The following FBXO11 variants were observed in gnomAD, a reference collection of about 807,000 sequenced individuals.
FBXO11 encodes F-box only protein 11.
In FBXO11, 13 loss-of-function variants were observed where a neutral mutation model predicts 117.0. The observed-to-expected ratio is 0.11, with a 90% confidence interval of 0.07 to 0.18. The LOEUF (loss-of-function observed/expected upper bound fraction) is 0.18. Among genes scored for constraint, FBXO11 ranks in the 10% least tolerant of loss-of-function variants. The pLI, the probability that FBXO11 is intolerant of heterozygous loss-of-function variation, is 1.00. For missense variants in FBXO11, 767 were observed against 1,164.4 expected (o/e 0.66, Z 4.97); for synonymous variants, 490 against 380.5 (o/e 1.29, Z -3.35).
rs889165240 is a variant in FBXO11 at position 47,807,663 on chromosome 2, A to G, written c.*455T>C. On this transcript the variant is annotated 3_prime_UTR_variant, in exon 23 of 23. Coordinates refer to ENST00000403359, the MANE Select transcript of FBXO11 (RefSeq NM_001190274.2). ...AAATCATATTTCTCAATCTGAATAC[A>G]TGTTAAAAAAAAAAAATCAAAAGGA... 1.8e-5 allele frequency: 3 copies of G among 163,318 alleles called. No individual in the cohort carries two copies. Among genetic ancestry groups the G allele is most frequent in the Non-Finnish European group, 3.5e-5 (3 of 85,740 alleles). 10.1% of individuals were successfully genotyped at this position (163,318 alleles called of 1,614,324 possible).
intron 16 of FBXO11, 176 bp downstream of exon 16, chr2:47,818,603 A>C: frequency 1.7e-6 from 1 of 595,154 alleles, no homozygotes; most frequent in Non-Finnish European, 3.0e-6. Flanking sequence ...TTCTGTCCTC[A>C]CCTAGACCAA....
At position 47,813,708 on chromosome 2, in the gene FBXO11, C is replaced by T. The variant is rs1234996295; in HGVS notation, c.2083+83G>A. On this transcript the variant is annotated intron_variant, in intron 17 of 22. Transcript: ENST00000403359. ...TCGGCCTCCCAAAGTGCTGGGATTACAGGCGTGAGCCACCGTGCCCGGCCT... is the reference window on the plus strand; with the variant it reads ...TCGGCCTCCCAAAGTGCTGGGATTATAGGCGTGAGCCACCGTGCCCGGCCT... The T allele has an allele frequency of 7.8e-6, 9 of 1,154,534 alleles. No homozygotes were observed. In the African/African-American group the frequency reaches 1.2e-4, roughly 16 times the overall value. The allele number at this position is 1,154,534 out of a possible 1,614,324, so 71.5% of individuals were successfully genotyped here.
At chr2:47,879,696 C>A (rs1676297654) in intron 1 of FBXO11, among the ~76,000 whole-genome samples, 1 of 152,206 alleles carries the variant, frequency 6.6e-6, no homozygotes. Flanking sequence ...TAATTCCTAA[C>A]TGTAAATAAG....
chr2:47,871,708 C>T (rs971941057), intron 1 of FBXO11, among the ~76,000 whole-genome samples: 1 of 152,092 alleles, frequency 6.6e-6, no homozygotes, highest in Non-Finnish European at 1.5e-5. Flanking sequence ...TCCTTGAATC[C>T]TGTAGATGTT....
chr2:47,815,218 A>G (rs919911065), intron 16 of FBXO11, among the ~76,000 whole-genome samples: 3 of 152,178 alleles, frequency 2.0e-5, no homozygotes, highest in African/African-American at 7.2e-5. Context: ...CCACGCAGAA[A>G]TGTGATTGGA....
rs559039553 is a variant in FBXO11, at chr2:47,810,650, C to T, written c.2228-224G>A. The T allele has an allele frequency of 1.2e-4, 52 of 423,930 alleles. No individual in the cohort carries two copies. In the East Asian group the frequency reaches 2.0e-3, roughly 17 times the overall value. 26.3% of individuals were successfully genotyped at this position (423,930 alleles called of 1,614,324 possible). ...AGCATTCTGACCAATAATCTGCCAT[C>T]TCCATGATAGCAGGGTCCATGTCTA... On this transcript the variant is annotated intron_variant, in intron 18 of 22. Transcript: ENST00000403359.
chr2:47,841,689 G>A (rs924275855), intron 1 of FBXO11, among the ~76,000 whole-genome samples: 2 of 152,062 alleles, frequency 1.3e-5, no homozygotes, highest in African/African-American at 4.8e-5. Flanking sequence ...TCGCCAGGCT[G>A]GAGTGCAGTG....
At position 47,832,501 on chromosome 2, in the gene FBXO11, C is replaced by G; in HGVS notation, c.1261-15G>C. ...TCATATATTCCCTACAACAAGTTAT[C>G]AGAAACAAACATCAGTAGAGCTTTT... On this transcript the variant is annotated splice_polypyrimidine_tract_variant and intron_variant, in intron 10 of 22. Coordinates refer to ENST00000403359, the MANE Select transcript of FBXO11 (RefSeq NM_001190274.2). The G allele has an allele frequency of 6.2e-7, 1 of 1,610,390 alleles. No individual in the cohort carries two copies. Among genetic ancestry groups the G allele is most frequent in the African/African-American group, 1.3e-5 (1 of 74,766 alleles).
chr2:47,887,484 T>C (rs970405362), intron 1 of FBXO11, among the ~76,000 whole-genome samples: 3 of 152,064 alleles, frequency 2.0e-5, no homozygotes, highest in Admixed American at 6.6e-5. Flanking sequence ...TCCCAGCACT[T>C]TGTGAGGCTG....
intron 5 of FBXO11, among the ~76,000 whole-genome samples, chr2:47,835,135 A>G (rs1442873199): frequency 1.3e-5 from 2 of 152,158 alleles, no homozygotes; most frequent in African/African-American, 2.4e-5. Flanking sequence ...TGTCCTGTGC[A>G]CTGTAGGATG....
At chr2:47,889,909 C>T (rs1677134784) in intron 1 of FBXO11, among the ~76,000 whole-genome samples, 1 of 152,176 alleles carries the variant, frequency 6.6e-6, no homozygotes, top group African/African-American at 2.4e-5. Flanking sequence ...ATTCAACAGG[C>T]TTGTGAGCAA....
chr2:47,881,171 G>C (rs1006257920), intron 1 of FBXO11, among the ~76,000 whole-genome samples: 3 of 152,082 alleles, frequency 2.0e-5, no homozygotes, highest in African/African-American at 7.2e-5. Context: ...AGAATCACTT[G>C]AACCCGGGAG....
intron 1 of FBXO11, among the ~76,000 whole-genome samples, chr2:47,846,580 T>C (rs1673428423): frequency 6.6e-6 from 1 of 150,704 alleles, no homozygotes; most frequent in Non-Finnish European, 1.5e-5. Flanking sequence ...ACCAAAAATG[T>C]TCAATTTTAA....
intron 16 of FBXO11, among the ~76,000 whole-genome samples, chr2:47,816,570 ACTAT>A (rs1671021859): frequency 6.6e-6 from 1 of 152,224 alleles, no homozygotes; most frequent in Admixed American, 6.5e-5. Flanking sequence ...CAGAGGAATC[ACTAT>A]CTATGGCAAC....
chr2:47,825,468 T>C (rs768377680), intron 11 of FBXO11, among the ~76,000 whole-genome samples: 2 of 152,052 alleles, frequency 1.3e-5, no homozygotes, highest in African/African-American at 2.4e-5. Flanking sequence ...TATTCACCAT[T>C]TCAGATGTTT....
intron 1 of FBXO11, among the ~76,000 whole-genome samples, chr2:47,902,570 T>TAC (rs933525336): frequency 3.9e-5 from 6 of 152,068 alleles, no homozygotes; most frequent in African/African-American, 9.6e-5. Flanking sequence ...TATACCCACA[T>TAC]ACACACACAC....
intron 16 of FBXO11, among the ~76,000 whole-genome samples, chr2:47,815,961 G>A (rs1572770282): frequency 6.6e-6 from 1 of 152,186 alleles, no homozygotes; most frequent in Non-Finnish European, 1.5e-5. Context: ...GGCCTCATGG[G>A]AACACAGGTG....
At chr2:47,894,751 A>C (rs1488372547) in intron 1 of FBXO11, among the ~76,000 whole-genome samples, 1 of 152,236 alleles carries the variant, frequency 6.6e-6, no homozygotes, top group Non-Finnish European at 1.5e-5. Flanking sequence ...TCCAAAGTTT[A>C]AATCAATCAA....
intron 18 of FBXO11, chr2:47,810,643 C>A (rs1263511143): frequency 2.3e-6 from 1 of 437,032 alleles, no homozygotes; most frequent in Non-Finnish European, 4.0e-6. Context: ...GACCAATAAT[C>A]TGCCATCTCC....
Sources: allele counts gnomAD v4.1 joint callset (sites outside exome capture counted in the v4.1 genomes callset), GRCh38; gene constraint gnomAD v4.1.1; transcripts MANE v1.5; gene names NCBI Gene and HGNC (gene_info 2026-07-23, HGNC 2026-07-21).